The following ZBTB44 variants were observed in gnomAD, a reference collection of about 807,000 sequenced individuals.
The protein encoded by ZBTB44 is zinc finger and BTB domain containing 44.
ZBTB44 carries 15 observed loss-of-function variants against 54.0 expected under a neutral mutation model. The observed-to-expected ratio is 0.28, with a 90% CI of 0.19 to 0.43. The LOEUF is 0.43. Among genes scored for constraint, ZBTB44 ranks in the 20% least tolerant of loss-of-function variants. The probability of loss-of-function intolerance (pLI) is 1.00; values close to 1 mark genes in which losing one functional copy is unlikely to be tolerated. For missense variants in ZBTB44, 487 were observed against 707.1 expected (o/e 0.69, Z 3.53); for synonymous variants, 230 against 250.1 (o/e 0.92, Z 0.76).
chr11:130,255,607 C>T (rs974182831), intron 2 of ZBTB44, among the ~76,000 whole-genome samples: 3 of 152,004 alleles, frequency 2.0e-5, no homozygotes, highest in Non-Finnish European at 4.4e-5. Context: ...CTAATGAATC[C>T]AGGAGGTGGT....
chr11:130,239,403 G>C (rs1403284394), intron 3 of ZBTB44: 1 of 170,918 alleles, frequency 5.9e-6, no homozygotes, highest in African/African-American at 2.4e-5. Context: ...TTTCACAGCA[G>C]TCCGTACAGC....
At chr11:130,257,956 A>G (rs978363848) in intron 2 of ZBTB44, among the ~76,000 whole-genome samples, 1 of 152,218 alleles carries the variant, frequency 6.6e-6, no homozygotes, top group African/African-American at 2.4e-5. Flanking sequence ...TGCTTTTGAA[A>G]TGACACTGCT....
intron 1 of ZBTB44, among the ~76,000 whole-genome samples, chr11:130,312,825 G>A (rs957943517): frequency 1.3e-5 from 2 of 152,150 alleles, no homozygotes; most frequent in Non-Finnish European, 2.9e-5. Flanking sequence ...AATTTTGATA[G>A]GCATTAATAA....
At chr11:130,235,623 G>A (rs1954074842) in intron 5 of ZBTB44, among the ~76,000 whole-genome samples, 1 of 151,898 alleles carries the variant, frequency 6.6e-6, no homozygotes, top group Non-Finnish European at 1.5e-5. Flanking sequence ...AACAGCCACT[G>A]CACTTCAGCC....
At chr11:130,298,589 AGTG>A (rs1283210876) in intron 1 of ZBTB44, among the ~76,000 whole-genome samples, 1 of 151,260 alleles carries the variant, frequency 6.6e-6, no homozygotes, top group Non-Finnish European at 1.5e-5. Flanking sequence ...CAGTCTCCCA[AGTG>A]GCTGGGACTA....
chr11:130,279,910 C>G (rs1044256523), intron 1 of ZBTB44, among the ~76,000 whole-genome samples: 1 of 152,132 alleles, frequency 6.6e-6, no homozygotes, highest in Non-Finnish European at 1.5e-5. Flanking sequence ...TACTTCTCCC[C>G]ACCACAAAAA....
intron 1 of ZBTB44, chr11:130,296,600 G>A: frequency 2.3e-6 from 2 of 885,160 alleles, no homozygotes; most frequent in South Asian, 1.3e-5. Context: ...AACAGCCAGA[G>A]GCCTAAATGG....
chr11:130,303,393 T>C (rs1325947319), intron 1 of ZBTB44, among the ~76,000 whole-genome samples: 1 of 152,186 alleles, frequency 6.6e-6, no homozygotes, highest in Non-Finnish European at 1.5e-5. Context: ...CCCGGCACTT[T>C]AGGAGGCCGA....
At chr11:130,309,149 C>A (rs1269752582) in intron 1 of ZBTB44, among the ~76,000 whole-genome samples, 2 of 152,194 alleles carry the variant, frequency 1.3e-5, no homozygotes, top group Non-Finnish European at 2.9e-5. Flanking sequence ...ACATGCCCAG[C>A]AAGCCATTGT....
chr11:130,282,057 T>C (rs1210470725), intron 1 of ZBTB44, among the ~76,000 whole-genome samples: 1 of 152,160 alleles, frequency 6.6e-6, no homozygotes, highest in Non-Finnish European at 1.5e-5. Flanking sequence ...TTTCTTAAAA[T>C]GAAACATAAC....
intron 1 of ZBTB44, among the ~76,000 whole-genome samples, chr11:130,305,291 A>G (rs185616041): frequency 6.6e-6 from 1 of 152,358 alleles, no homozygotes; most frequent in East Asian, 1.9e-4. Flanking sequence ...AAGAGCCCAC[A>G]TAGTCAAAGC....
At chr11:130,292,741 T>C (rs1310780205) in intron 1 of ZBTB44, among the ~76,000 whole-genome samples, 5 of 152,184 alleles carry the variant, frequency 3.3e-5, no homozygotes, top group Admixed American at 6.5e-5. Context: ...TTAAAACAAT[T>C]GATTTAGGAA....
intron 2 of ZBTB44, among the ~76,000 whole-genome samples, chr11:130,254,307 A>G (rs9735427): frequency 6.6e-6 from 1 of 152,190 alleles, no homozygotes; most frequent in Non-Finnish European, 1.5e-5. Context: ...GAAAATTTTT[A>G]CAATCTACTC....
intron 2 of ZBTB44, among the ~76,000 whole-genome samples, chr11:130,248,087 CATT>C (rs1174121561): frequency 6.6e-6 from 1 of 152,126 alleles, no homozygotes; most frequent in Non-Finnish European, 1.5e-5. Flanking sequence ...ATACACTAAA[CATT>C]ATATTTTCTA....
At chr11:130,255,241 T>C (rs1213631277) in intron 2 of ZBTB44, among the ~76,000 whole-genome samples, 1 of 151,880 alleles carries the variant, frequency 6.6e-6, no homozygotes, top group Non-Finnish European at 1.5e-5. Flanking sequence ...AATATAATAA[T>C]AAAAGAAACT....
chr11:130,281,679 C>T (rs1940531733), intron 1 of ZBTB44, among the ~76,000 whole-genome samples: 1 of 152,054 alleles, frequency 6.6e-6, no homozygotes, highest in East Asian at 1.9e-4. Flanking sequence ...ACTGCAAGCT[C>T]CACCTCCCGG....
chr11:130,266,023 C>G (rs1939224540), intron 1 of ZBTB44, among the ~76,000 whole-genome samples: 1 of 152,224 alleles, frequency 6.6e-6, no homozygotes, highest in Admixed American at 6.5e-5. Context: ...ACACTGGAAA[C>G]AGACACATTT....
chr11:130,236,226 A>C, intron 5 of ZBTB44: 2 of 1,282,320 alleles, frequency 1.6e-6, no homozygotes, highest in South Asian at 2.5e-5. Flanking sequence ...CCTATAAATC[A>C]GAAAGGTAAT....
At position 130,287,457 on chromosome 11, in the gene ZBTB44, T is replaced by C. The variant is rs560009004; in HGVS notation, c.-56-25528A>G. The stretch of plus-strand genomic sequence containing the variant: ...TTTCTCTGTGCTTAGTTTTGAGGTA[T>C]ATTACTAAATCCAGCATGTTCGATA... On this transcript the variant is annotated intron_variant, in intron 1 of 7. Transcript: ENST00000357899. Among the ~76,000 whole-genome samples, 66 of 152,328 alleles carry C rather than the reference T, an allele frequency of 4.3e-4. No individual in the cohort carries two copies. The South Asian group carries it at 0.013, about 29-fold the overall frequency.
Sources: gnomAD v4.1 joint callset for allele counts (sites outside exome capture counted in the v4.1 genomes callset) on GRCh38, gnomAD v4.1.1 for gene constraint, MANE v1.5 for transcripts, NCBI Gene and HGNC (gene_info 2026-07-23, HGNC 2026-07-21) for gene names.